CLN8: variants seen among roughly 807,000 people sequenced by gnomAD.
CLN8 encodes the protein protein CLN8.
In CLN8, 14 loss-of-function variants were observed where a neutral mutation model predicts 15.7. The ratio of observed to expected loss-of-function variants is 0.89; its 90% confidence interval spans 0.59 to 1.39. The LOEUF is 1.39. Ranked by LOEUF, CLN8 falls within the 40% of genes most tolerant of loss-of-function variation. The pLI is 0.00. For missense variants in CLN8, 415 were observed against 364.0 expected (o/e 1.14, Z -1.14); for synonymous variants, 188 against 151.0 (o/e 1.25, Z -1.80).
chr8:1,765,810 C>T (rs1248717888), intron 1 of CLN8, among the ~76,000 whole-genome samples: 3 of 152,174 alleles, frequency 2.0e-5, no homozygotes, highest in Non-Finnish European at 4.4e-5. Context: ...TTGTAAAATG[C>T]GTGACCCACA....
intron 2 of CLN8, chr8:1,779,946 G>T: frequency 1.0e-6 from 1 of 985,240 alleles, no homozygotes; most frequent in Non-Finnish European, 1.2e-6. Flanking sequence ...AAGATTGAAG[G>T]GATACTGAAA....
chr8:1,777,476 A>G (rs1032693610), intron 2 of CLN8, among the ~76,000 whole-genome samples: 1 of 152,200 alleles, frequency 6.6e-6, no homozygotes, highest in Non-Finnish European at 1.5e-5. Context: ...AACTTACTGT[A>G]ACATTTTTAC....
chr8:1,769,618 G>C (rs1159412881), intron 1 of CLN8, among the ~76,000 whole-genome samples: 2 of 152,202 alleles, frequency 1.3e-5, no homozygotes. Context: ...CCGTTCCTAT[G>C]TCATCGTTGT....
chr8:1,775,721 G>A (rs1178798093), intron 2 of CLN8, among the ~76,000 whole-genome samples: 1 of 152,208 alleles, frequency 6.6e-6, no homozygotes, highest in Non-Finnish European at 1.5e-5. Context: ...GTACTGTACA[G>A]TTCATCACTG....
intron 2 of CLN8, among the ~76,000 whole-genome samples, chr8:1,772,179 G>T (rs189936513): frequency 2.4e-4 from 37 of 152,046 alleles, no homozygotes; most frequent in African/African-American, 8.9e-4. Context: ...CTTGTGGTCC[G>T]CCTGCCTGGG....
Position 1,780,415 on chromosome 8 carries a change from G to A in CLN8, c.709G>A (p.Gly237Arg), listed in dbSNP as rs746645358. The A allele has an allele frequency of 2.3e-5, 37 of 1,614,040 alleles. No individual in the cohort carries two copies. Among genetic ancestry groups the A allele is most frequent in the Non-Finnish European group, 2.8e-5 (33 of 1,180,046 alleles). ...GCCTCATTTGACACTGTTCCTTGTC[G>A]GACTGGCTCTGCTTACGCTAATCAT... ...YLPHLTLFLV[G>R]LALLTLIINP... Residue 237 changes from glycine to arginine, a missense_variant, in exon 3 of 3, where the codon GGA becomes AGA. Coordinates refer to ENST00000331222, the MANE Select transcript of CLN8 (RefSeq NM_018941.4).
Position 1,786,312 on chromosome 8 carries a change from T to G in CLN8, c.*5745T>G. 1 of 152,386 alleles carries G rather than the reference T, an allele frequency of 6.6e-6. No individual in the cohort carries two copies. Among genetic ancestry groups the G allele is most frequent in the Admixed American group, 6.5e-5 (1 of 15,302 alleles). 9.4% of individuals were successfully genotyped at this position (152,386 alleles called of 1,614,324 possible). On this transcript the variant is annotated 3_prime_UTR_variant, in exon 3 of 3. Transcript: ENST00000331222. Reference sequence around the variant, plus strand: ...CCTGCGGTCCTGATTTCAGCTCACCTCAGAGTAAATCAGAATAAACTGCAC... The same window carrying G: ...CCTGCGGTCCTGATTTCAGCTCACCGCAGAGTAAATCAGAATAAACTGCAC...
In CLN8 at chr8:1,785,051, T is replaced by C. The variant is rs2129016353; in HGVS notation, c.*4484T>C. 6.6e-6 allele frequency: 1 copy of C among 152,656 alleles called. No homozygotes were observed. Among genetic ancestry groups the C allele is most frequent in the Admixed American group, 6.5e-5 (1 of 15,352 alleles). 9.5% of individuals were successfully genotyped at this position (152,656 alleles called of 1,614,324 possible). A position where few individuals can be genotyped will look rare whatever the true frequency, so the allele number is the denominator to read the frequency against. ...ATTTGATAGCATGCCAAAAGTTTCC[T>C]CCATTATGTGCGTGTCAAGTGTTTG... On this transcript the variant is annotated 3_prime_UTR_variant, in exon 3 of 3. Coordinates refer to ENST00000331222, the MANE Select transcript of CLN8 (RefSeq NM_018941.4).
chr8:1,761,012 C>CTTTTTTTTTTT (rs61327257), upstream of CLN8, among the ~76,000 whole-genome samples: 1 of 67,562 alleles, frequency 1.5e-5, no homozygotes, highest in East Asian at 4.7e-4. Flanking sequence ...CTATAGCCAT[C>CTTTTTTTTTTT]TTTTTTTTTT....
At chr8:1,756,329 C>CA (rs1173459778) in intron 1 of CLN8, among the ~76,000 whole-genome samples, 1 of 151,770 alleles carries the variant, frequency 6.6e-6, no homozygotes, top group African/African-American at 2.4e-5. Flanking sequence ...TAAAAAAATA[C>CA]AAAAATTAGC....
At chr8:1,767,424 A>C (rs1230728390) in intron 1 of CLN8, among the ~76,000 whole-genome samples, 3 of 152,100 alleles carry the variant, frequency 2.0e-5, no homozygotes, top group East Asian at 1.9e-4. Context: ...TTTTCTGTAG[A>C]TATGGTAATC....
upstream of CLN8, chr8:1,759,161 C>G (rs1023575097): frequency 2.0e-5 from 3 of 152,146 alleles, no homozygotes; most frequent in Non-Finnish European, 2.9e-5. Context: ...GCCTGGATTT[C>G]AACGGAAGGC....
In CLN8 at chr8:1,771,527, A is replaced by G. The variant is rs386834130; in HGVS notation, c.473A>G (p.Tyr158Cys). ...GCLVNLQAGH[Y>C]LAMTTLLLEM... is the part of the protein sequence containing the mutation. ...TTGGTCAATCTCCAAGCTGGCCACT[A>G]TCTAGCTATGACCACGTTGCTCCTG... Residue 158 changes from tyrosine to cysteine, a missense_variant, in exon 2 of 3, where the codon TAT becomes TGT. Coordinates refer to ENST00000331222, the MANE Select transcript of CLN8 (RefSeq NM_018941.4). 1.1e-5 allele frequency: 18 copies of G among 1,613,980 alleles called. No individual in the cohort carries two copies. The highest frequency in any genetic ancestry group is 6.6e-5 in the South Asian group (6 of 91,086).
upstream of CLN8, chr8:1,760,248 A>C (rs1037135059): frequency 6.6e-6 from 1 of 152,188 alleles, no homozygotes; most frequent in African/African-American, 2.4e-5. Flanking sequence ...TGAAAGAACC[A>C]GTTTATCAAA....
At chr8:1,770,082 C>T (rs1801238351) in intron 1 of CLN8, among the ~76,000 whole-genome samples, 6 of 152,178 alleles carry the variant, frequency 3.9e-5, no homozygotes, top group Admixed American at 3.9e-4. Flanking sequence ...CTAGTTAACA[C>T]CCCAAACACC....
chr8:1,763,001 C>G (rs111755266), upstream of CLN8: 214 of 152,294 alleles, frequency 1.4e-3, no homozygotes, highest in African/African-American at 5.0e-3. Flanking sequence ...AGAGAAGAAA[C>G]ATAAGTAACT....
chr8:1,771,710 T>G, intron 2 of CLN8, 113 bp downstream of exon 2: 1 of 928,636 alleles, frequency 1.1e-6, no homozygotes, highest in Non-Finnish European at 1.7e-6. Context: ...AGCACACACA[T>G]TCAGTTACAA....
rs1037754213 is a variant in CLN8 at position 1,782,032 on chromosome 8, C to T, written c.*1465C>T. On this transcript the variant is annotated 3_prime_UTR_variant, in exon 3 of 3. Transcript: ENST00000331222. ...AAAATTCAAAGTTTATTTTTTATCA[C>T]AAGCACCTTTGAAATGTACGTGGAA... 2.6e-5 allele frequency: 4 copies of T among 152,122 alleles called. No individual in the cohort carries two copies. The highest frequency in any genetic ancestry group is 9.7e-5 in the African/African-American group (4 of 41,402). 9.4% of individuals were successfully genotyped at this position (152,122 alleles called of 1,614,324 possible).
At chr8:1,770,003 G>A (rs1801235380) in intron 1 of CLN8, among the ~76,000 whole-genome samples, 1 of 152,182 alleles carries the variant, frequency 6.6e-6, no homozygotes, top group Non-Finnish European at 1.5e-5. Flanking sequence ...GGCATCGCAG[G>A]ATGAAACATA....
Sources: gnomAD v4.1 joint callset for allele counts (sites outside exome capture counted in the v4.1 genomes callset) on GRCh38, gnomAD v4.1.1 for gene constraint, MANE v1.5 for transcripts, NCBI Gene and HGNC (gene_info 2026-07-23, HGNC 2026-07-21) for gene names.